CACNA1D: variants seen among roughly 807,000 people sequenced by gnomAD.
CACNA1D encodes the protein calcium voltage-gated channel subunit alpha1 D.
Under a neutral mutation model 257.1 loss-of-function variants are expected in CACNA1D, and 55 were observed. That is an observed-to-expected ratio of 0.21 (90% confidence interval 0.17 to 0.27). CACNA1D has a LOEUF of 0.27. Among genes scored for constraint, CACNA1D ranks in the 10% least tolerant of loss-of-function variants. CACNA1D has a pLI of 1.00. For synonymous variants in CACNA1D, 980 were observed against 1,014.9 expected (o/e 0.97, Z 0.65); for missense variants, 1,876 against 2,784.0 (o/e 0.67, Z 7.34).
At chr3:53,659,621 A>G (rs553126763) in intron 4 of CACNA1D, among the ~76,000 whole-genome samples, 1 of 152,370 alleles carries the variant, frequency 6.6e-6, no homozygotes, top group South Asian at 2.1e-4. Flanking sequence ...TGGGGTCCAC[A>G]TGCCTGTGTT....
chr3:53,501,548 C>T (rs903117950), intron 2 of CACNA1D, 67 bp from the exon 3 acceptor site: 7 of 836,642 alleles, frequency 8.4e-6, no homozygotes, highest in South Asian at 4.1e-5. Context: ...GTGGTGTGAT[C>T]GGGAGTGTGA....
At chr3:53,651,621 A>G (rs2094097917) in intron 4 of CACNA1D, among the ~76,000 whole-genome samples, 1 of 152,202 alleles carries the variant, frequency 6.6e-6, no homozygotes, top group East Asian at 1.9e-4. Context: ...ACACCTGGAA[A>G]TGTTGCCAGG....
rs561964708 is a variant in CACNA1D at position 53,724,588 on chromosome 3, T to C, written c.2100+589T>C. Among the ~76,000 whole-genome samples, 3 of 152,296 alleles carry C rather than the reference T, an allele frequency of 2.0e-5. No individual in the cohort carries two copies. The East Asian group carries it at 5.8e-4, about 29-fold the overall frequency. On this transcript the variant is annotated intron_variant, in intron 14 of 47. Transcript: ENST00000350061. Reference sequence around the variant, plus strand: ...AGCGGTGGTTGCAGAGAGGCACCGATGGCTCTGCTGCTCAGAGCAGCAGCA... The same window carrying C: ...AGCGGTGGTTGCAGAGAGGCACCGACGGCTCTGCTGCTCAGAGCAGCAGCA...
At chr3:53,806,879 C>T (rs2095568843) in intron 45 of CACNA1D, among the ~76,000 whole-genome samples, 1 of 152,214 alleles carries the variant, frequency 6.6e-6, no homozygotes, top group African/African-American at 2.4e-5. Context: ...GGCCCTCGCC[C>T]TTGTGAGTTC....
At chr3:53,514,150 A>G (rs1185484025) in intron 3 of CACNA1D, among the ~76,000 whole-genome samples, 7 of 152,176 alleles carry the variant, frequency 4.6e-5, no homozygotes, top group African/African-American at 1.4e-4. Flanking sequence ...AGGTGAGGAA[A>G]CAAGGCTAGA....
At chr3:53,750,249 C>A (rs1385135921) in intron 27 of CACNA1D, among the ~76,000 whole-genome samples, 1 of 152,290 alleles carries the variant, frequency 6.6e-6, no homozygotes, top group East Asian at 1.9e-4. Context: ...TGCACTGTGA[C>A]CCTAGGTGCC....
chr3:53,687,849 T>A (rs192564328), intron 8 of CACNA1D, among the ~76,000 whole-genome samples: 3 of 152,322 alleles, frequency 2.0e-5, no homozygotes, highest in Admixed American at 2.0e-4. Context: ...TTAAAGATGT[T>A]CTATGTCATA....
chr3:53,689,063 C>T (rs573747327), intron 8 of CACNA1D, among the ~76,000 whole-genome samples: 16 of 152,328 alleles, frequency 1.1e-4, no homozygotes, highest in African/African-American at 3.4e-4. Flanking sequence ...GATGTTTCAG[C>T]GTCAAACCTG....
At position 53,751,990 on chromosome 3, in the gene CACNA1D, C is replaced by T; in HGVS notation, c.3675+83C>T. ...CCAAATGCTGAGGGTGGAATGCTGC[C>T]CCTCACAGGAGGGGTTTGATTTTTC... On this transcript the variant is annotated intron_variant, in intron 28 of 47. Coordinates refer to ENST00000350061, the MANE Select transcript of CACNA1D (RefSeq NM_001128840.3). The surrounding 1 kb of genome is among the most constrained non-coding windows in gnomAD (Gnocchi z 4.3). 7.3e-7 allele frequency: 1 copy of T among 1,373,724 alleles called. No individual in the cohort carries two copies. The highest frequency in any genetic ancestry group is 2.3e-5 in the East Asian group (1 of 43,852). 85.1% of individuals were successfully genotyped at this position (1,373,724 alleles called of 1,614,324 possible).
intron 3 of CACNA1D, among the ~76,000 whole-genome samples, chr3:53,524,253 C>A (rs1398738133): frequency 6.6e-6 from 1 of 152,210 alleles, no homozygotes; most frequent in Non-Finnish European, 1.5e-5. Flanking sequence ...TGGAGCCCAA[C>A]AGGACATCCT....
chr3:53,606,963 G>T (rs2093518711), intron 3 of CACNA1D, among the ~76,000 whole-genome samples: 1 of 152,190 alleles, frequency 6.6e-6, no homozygotes, highest in African/African-American at 2.4e-5. Flanking sequence ...TGCATCACAA[G>T]TTTGTCCTTT....
chr3:53,776,800 G>C, intron 36 of CACNA1D, 60 bp from the exon 37 acceptor site: 1 of 1,613,642 alleles, frequency 6.2e-7, no homozygotes, highest in Non-Finnish European at 8.5e-7. Flanking sequence ...TTGTGGAGTG[G>C]ACTGAAAGTT....
intron 3 of CACNA1D, among the ~76,000 whole-genome samples, chr3:53,533,774 GTCACTGTC>G (rs747771605): frequency 1.7e-4 from 26 of 152,178 alleles, no homozygotes; most frequent in Non-Finnish European, 3.1e-4. Flanking sequence ...GTTACTAGGT[GTCACTGTC>G]TCCTTTTTTC....
Position 53,722,326 on chromosome 3 carries a change from T to A in CACNA1D, c.1518T>A (p.Arg506=). Reference sequence around the variant, plus strand: ...GCTTGTCTTTTAGCCGACGCTGGCGTCGCTGGAACCGATTCAATCGCAGAA... The same window carrying A: ...GCTTGTCTTTTAGCCGACGCTGGCGACGCTGGAACCGATTCAATCGCAGAA... ...ISKSKLSRRW[R]RWNRFNRRRC... is the part of the protein sequence containing the mutation. The change falls in exon 12 of 48, where the codon CGT becomes CGA. Residue 506 remains arginine, a synonymous_variant. Transcript: ENST00000350061. 1 of 1,614,206 alleles carries A rather than the reference T, an allele frequency of 6.2e-7. No homozygotes were observed. The highest frequency in any genetic ancestry group is 2.2e-5 in the East Asian group (1 of 44,884).
chr3:53,734,852 G>T (rs1424431898), intron 19 of CACNA1D, among the ~76,000 whole-genome samples: 1 of 152,164 alleles, frequency 6.6e-6, no homozygotes, highest in Non-Finnish European at 1.5e-5. Flanking sequence ...CTCAGTTACT[G>T]CAGGTCACTA....
At chr3:53,776,563 G>C in intron 35 of CACNA1D, 40 bp from the exon 36 acceptor site, 1 of 1,613,574 alleles carries the variant, frequency 6.2e-7, no homozygotes, top group Non-Finnish European at 8.5e-7. Context: ...ACGCAATCCA[G>C]CTGCAGCTGA....
chr3:53,723,847 A>T lies in CACNA1D; in HGVS notation c.1948A>T (p.Ile650Phe). ...ATCCTTATTAAACTCCATGAAGTCC[A>T]TCGCTTCGCTGTTGCTTCTGCTTTT... ...VASLLNSMKSIASLLLLLFLF... is the reference protein window; with the variant it reads ...VASLLNSMKSFASLLLLLFLF... The change falls in exon 14 of 48, where the codon ATC becomes TTC. Residue 650 changes from isoleucine to phenylalanine, a missense_variant. Physicochemically the swap from Ile to Phe is conservative, Grantham distance 21 (BLOSUM62 0). This residue lies in a region of CACNA1D where 257 missense variants were observed against 399.7 expected (regional missense o/e 0.64). Transcript: ENST00000350061. This position sits in a 1 kb window ranked among gnomAD's most constrained non-coding sequence, Gnocchi z 5.6. 6.2e-7 allele frequency: 1 copy of T among 1,614,220 alleles called. No homozygotes were observed. Among genetic ancestry groups the T allele is most frequent in the Non-Finnish European group, 8.5e-7 (1 of 1,180,034 alleles).
chr3:53,498,618 G>T (rs1575675194), intron 2 of CACNA1D, among the ~76,000 whole-genome samples: 1 of 152,200 alleles, frequency 6.6e-6, no homozygotes, highest in African/African-American at 2.4e-5. Context: ...AGGATGGAGG[G>T]GCCACACCAA....
Position 53,730,592 on chromosome 3 carries a change from G to T in CACNA1D, c.2336+36G>T, listed in dbSNP as rs751674526. 24 of 1,465,106 alleles carry T rather than the reference G, an allele frequency of 1.6e-5. No homozygotes were observed. In the Admixed American group the frequency reaches 1.9e-4, roughly 11 times the overall value. The allele number at this position is 1,465,106 out of a possible 1,614,324, so 90.8% of individuals were successfully genotyped here. On this transcript the variant is annotated intron_variant, in intron 16 of 47. Transcript: ENST00000350061. The stretch of plus-strand genomic sequence containing the variant: ...TTTCCCCTGACGTGTTTGTCCAGGG[G>T]CTGTGTTGGGAGCCCTGCAACAGTT...
Sources: allele counts gnomAD v4.1 joint callset (sites outside exome capture counted in the v4.1 genomes callset), GRCh38; gene constraint gnomAD v4.1.1; regional missense constraint gnomAD v4.1.1; non-coding constraint Gnocchi (gnomAD v3.1); transcripts MANE v1.5; gene names NCBI Gene and HGNC (gene_info 2026-07-23, HGNC 2026-07-21).